Variants in CEP250 observed in about 807,000 individuals in gnomAD.
CEP250 encodes centrosome-associated protein CEP250.
A neutral mutation model predicts 315.7 loss-of-function variants in CEP250; 242 were observed. That is an observed-to-expected ratio of 0.77 (90% CI 0.69 to 0.85). The LOEUF (loss-of-function observed/expected upper bound fraction) is 0.85. CEP250 is among the 40% of genes least tolerant of loss of function. The pLI is 0.00. For synonymous variants in CEP250, 1,088 were observed against 1,175.0 expected (o/e 0.93, Z 1.51); for missense variants, 2,515 against 2,886.4 (o/e 0.87, Z 2.95).
chr20:35,463,678 T>A (rs370776783), intron 5 of CEP250, 47 bp downstream of exon 5: 1 of 1,509,290 alleles, frequency 6.6e-7, no homozygotes, highest in Admixed American at 2.1e-5. Flanking sequence ...TCAGTGAATA[T>A]ACTTGTTAGG....
intron 24 of CEP250, among the ~76,000 whole-genome samples, chr20:35,495,411 AAAG>A (rs2063808809): frequency 6.6e-6 from 1 of 152,236 alleles, no homozygotes; most frequent in African/African-American, 2.4e-5. Flanking sequence ...ATCAGGAGTG[AAAG>A]AAGACCATTC....
Position 35,508,942 on chromosome 20 carries a change from G to A in CEP250, c.6907-1G>A. 6.4e-7 allele frequency: 1 copy of A among 1,552,272 alleles called. No individual in the cohort carries two copies. Among genetic ancestry groups the A allele is most frequent in the South Asian group, 1.2e-5 (1 of 84,152 alleles). On this transcript the variant is annotated splice_acceptor_variant, in intron 32 of 34. Coordinates refer to ENST00000397527, the MANE Select transcript of CEP250 (RefSeq NM_007186.6). LOFTEE classifies it high-confidence loss of function. ...CTGATTTCTTATTTGCACCTTGGCA[G>A]GTGGAGCGAGAACGGAGGAAGCTGA... is the stretch of plus-strand genomic sequence containing the variant.
chr20:35,500,161 A>G lies in CEP250; in HGVS notation c.3890A>G (p.Asn1297Ser). 1.2e-6 allele frequency: 2 copies of G among 1,613,916 alleles called. No individual in the cohort carries two copies. The highest frequency in any genetic ancestry group is 1.7e-4 in the Middle Eastern group (1 of 6,060). The change falls in exon 28 of 35, where the codon AAT becomes AGT. Residue 1297 changes from asparagine (N) to serine (S), a missense_variant. Asn to Ser is a conservative substitution (Grantham distance 46). Coordinates refer to ENST00000397527, the MANE Select transcript of CEP250 (RefSeq NM_007186.6). ...LQDLQRQLSQ[N>S]QEEKSKWEGK... Reference sequence around the variant, plus strand: ...GATCTGCAGAGACAGCTCTCCCAGAATCAGGAAGGTGAGAAGCTCAAGACA... The same window carrying G: ...GATCTGCAGAGACAGCTCTCCCAGAGTCAGGAAGGTGAGAAGCTCAAGACA...
At chr20:35,485,373 C>CAA (rs896722122) in intron 20 of CEP250, among the ~76,000 whole-genome samples, 1,666 of 79,574 alleles carry the variant, frequency 0.021, 28 homozygotes, top group African/African-American at 0.066. Context: ...GACTCTGTCT[C>CAA]AAAAAAAAAA....
At position 35,463,862 on chromosome 20, in the gene CEP250, G is replaced by A. The variant is rs138516037; in HGVS notation, c.243+231G>A. ...CGAAATGTAAATTAGATTGGAAGGAGTGTGGGATTAGCAGGAAGAAGTGCA... is the reference window on the plus strand; with the variant it reads ...CGAAATGTAAATTAGATTGGAAGGAATGTGGGATTAGCAGGAAGAAGTGCA... On this transcript the variant is annotated intron_variant, in intron 5 of 34. Transcript: ENST00000397527. 8.5e-5 allele frequency among the ~76,000 whole-genome samples: 13 copies of A among 152,340 alleles called. No homozygotes were observed. The East Asian group carries it at 2.3e-3, about 27-fold the overall frequency.
chr20:35,473,393 C>G lies in CEP250; in HGVS notation c.1229C>G (p.Ala410Gly). The change falls in exon 13 of 35, where the codon GCA becomes GGA. Residue 410 changes from alanine to glycine, a missense_variant. Ala to Gly is a moderately conservative substitution (Grantham distance 60, BLOSUM62 0). Coordinates refer to ENST00000397527, the MANE Select transcript of CEP250 (RefSeq NM_007186.6). ...CCACAGGACCTAAGGCAGCAGCTTG[C>G]AGGCTGTCAAGAGGCTGTGAACTTG... ...QAVQDLRQQL[A>G]GCQEAVNLLQ... The G allele has an allele frequency of 3.7e-6, 6 of 1,613,436 alleles. No individual in the cohort carries two copies. The highest frequency in any genetic ancestry group is 5.1e-6 in the Non-Finnish European group (6 of 1,179,594).
At chr20:35,471,775 G>T (rs1355348021) in intron 10 of CEP250, among the ~76,000 whole-genome samples, 1 of 152,158 alleles carries the variant, frequency 6.6e-6, no homozygotes, top group Non-Finnish European at 1.5e-5. Context: ...CTATTTTAAA[G>T]AAAAAGAAGT....
intron 22 of CEP250, 139 bp downstream of exon 22, chr20:35,491,485 C>T: frequency 1.1e-6 from 1 of 952,062 alleles, no homozygotes; most frequent in Non-Finnish European, 1.6e-6. Context: ...AGGTATGGCA[C>T]AGGCTGGGCA....
At chr20:35,481,577 C>G (rs1312553953) in intron 20 of CEP250, among the ~76,000 whole-genome samples, 1 of 148,170 alleles carries the variant, frequency 6.7e-6, no homozygotes, top group Non-Finnish European at 1.5e-5. Flanking sequence ...GATACCTTTT[C>G]TGTTCACCAT....
rs1410899537 is a variant in CEP250 at position 35,518,111 on chromosome 20, C to G, written c.*6485C>G. On this transcript the variant is annotated 3_prime_UTR_variant, in exon 35 of 35. Coordinates refer to ENST00000397527, the MANE Select transcript of CEP250 (RefSeq NM_007186.6). The stretch of plus-strand genomic sequence containing the variant: ...AGTTTCCCACCTCATTCTTCTCAAA[C>G]TCCTCTTCAGAGGCAGCGGGTTTTG... The G allele has an allele frequency of 6.8e-6, 1 of 146,270 alleles. No individual in the cohort carries two copies. Among genetic ancestry groups the G allele is most frequent in the Non-Finnish European group, 1.5e-5 (1 of 67,048 alleles). 9.1% of individuals were successfully genotyped at this position (146,270 alleles called of 1,614,324 possible). A position where few individuals can be genotyped will look rare whatever the true frequency, so the allele number is the denominator to read the frequency against.
chr20:35,484,341 A>G (rs1250479870), intron 20 of CEP250, among the ~76,000 whole-genome samples: 1 of 151,780 alleles, frequency 6.6e-6, no homozygotes, highest in African/African-American at 2.4e-5. Flanking sequence ...CTTAAAGTAA[A>G]TTTTCTGTTT....
At chr20:35,475,453 A>G (rs1164599699) in intron 14 of CEP250, 49 bp from the exon 15 acceptor site, 1 of 1,596,000 alleles carries the variant, frequency 6.3e-7, no homozygotes, top group African/African-American at 1.3e-5. Flanking sequence ...CTTTGGGGTT[A>G]TGGCCCATCC....
chr20:35,507,965 G>C, intron 31 of CEP250, 70 bp from the exon 32 acceptor site: 1 of 1,606,494 alleles, frequency 6.2e-7, no homozygotes, highest in South Asian at 1.1e-5. Context: ...AGATTGGTCT[G>C]TGTGTCCTCT....
chr20:35,476,328 G>C, intron 15 of CEP250, 121 bp from the exon 16 acceptor site: 2 of 854,574 alleles, frequency 2.3e-6, no homozygotes, highest in Non-Finnish European at 3.6e-6. Context: ...TAGAATGCAG[G>C]AGAGGGAATG....
chr20:35,494,397 C>T (rs1211529684), intron 23 of CEP250, 127 bp from the exon 24 acceptor site: 8 of 1,233,154 alleles, frequency 6.5e-6, no homozygotes, highest in Non-Finnish European at 9.2e-6. Context: ...TTGGTAGAAT[C>T]GCCAGAGCAT....
chr20:35,504,328 C>T lies in CEP250; in HGVS notation c.5959C>T (p.Gln1987Ter), dbSNP rs200263031. Reference protein sequence around the residue: ...LQGKEQHLLEQAELSRSLEAS... With the variant: ...LQGKEQHLLE The stretch of plus-strand genomic sequence containing the variant: ...GGGGAAAGAGCAGCATCTCCTCGAG[C>T]AGGCAGAATTGAGCCGCAGTCTGGA... Residue 1987 changes from glutamine (Q) to a stop codon, truncating the protein, a stop_gained, in exon 30 of 35, where the codon CAG becomes TAG. Coordinates refer to ENST00000397527, the MANE Select transcript of CEP250 (RefSeq NM_007186.6). LOFTEE classifies it high-confidence loss of function. The T allele has an allele frequency of 1.2e-4, 185 of 1,590,834 alleles. No individual in the cohort carries two copies. The highest frequency in any genetic ancestry group is 1.8e-5 in the Admixed American group (1 of 55,976).
At chr20:35,479,803 C>T in intron 19 of CEP250, 30 bp downstream of exon 19, 2 of 1,613,782 alleles carry the variant, frequency 1.2e-6, no homozygotes, top group South Asian at 2.2e-5. Context: ...GGGATGCACT[C>T]CATTCCATGG....
rs773756815 is a variant in CEP250 at position 35,502,655 on chromosome 20, C to T, written c.4286C>T (p.Thr1429Ile). 1.9e-6 allele frequency: 3 copies of T among 1,614,244 alleles called. No homozygotes were observed. The South Asian group carries it at 3.3e-5, about 18-fold the overall frequency. ...GAGAATTTGGCCCTCCTGACCCAGA[C>T]CCTAGCTGAAAGAGAAGAGGAGGTG... is the stretch of plus-strand genomic sequence containing the variant. ...LQENLALLTQTLAEREEEVET... is the reference protein window; with the variant it reads ...LQENLALLTQILAEREEEVET... The change falls in exon 30 of 35, where the codon ACC becomes ATC. Residue 1429 changes from threonine to isoleucine, a missense_variant. Thr to Ile is a moderately conservative substitution (Grantham distance 89). Transcript: ENST00000397527.
At chr20:35,462,598 A>G (rs745369028) in intron 4 of CEP250, 45 bp downstream of exon 4, 1 of 1,513,182 alleles carries the variant, frequency 6.6e-7, no homozygotes, top group Non-Finnish European at 8.9e-7. Flanking sequence ...AACAACCCCC[A>G]GAGCTAGGTG....
Sources: allele counts gnomAD v4.1 joint callset (sites outside exome capture counted in the v4.1 genomes callset), GRCh38; gene constraint gnomAD v4.1.1; transcripts MANE v1.5; gene names NCBI Gene and HGNC (gene_info 2026-07-23, HGNC 2026-07-21).